PDCD11: variants seen among roughly 807,000 people sequenced by gnomAD.
PDCD11 encodes programmed cell death 11.
PDCD11 carries 97 observed loss-of-function variants against 198.9 expected under a neutral mutation model. The observed-to-expected ratio is 0.49, with a 90% CI of 0.41 to 0.58. The LOEUF is 0.58. PDCD11 is among the 20% of genes least tolerant of loss of function. The pLI is 0.00. For missense variants in PDCD11, 2,102 were observed against 2,312.7 expected (o/e 0.91, Z 1.87); for synonymous variants, 893 against 918.0 (o/e 0.97, Z 0.49).
At chr10:103,440,927 T>C in intron 30 of PDCD11, 77 bp downstream of exon 30, 2 of 980,738 alleles carry the variant, frequency 2.0e-6, no homozygotes, top group Non-Finnish European at 3.1e-6. Flanking sequence ...CTCATCCTCT[T>C]TTACTTCATT....
At chr10:103,401,995 G>A (rs2030105815) in intron 3 of PDCD11, among the ~76,000 whole-genome samples, 1 of 152,254 alleles carries the variant, frequency 6.6e-6, no homozygotes, top group East Asian at 1.9e-4. Context: ...GCCCGCCTCC[G>A]CCTCCCAAAG....
At chr10:103,436,943 C>T (rs1450617519) in intron 25 of PDCD11, among the ~76,000 whole-genome samples, 1 of 152,224 alleles carries the variant, frequency 6.6e-6, no homozygotes, top group Non-Finnish European at 1.5e-5. Context: ...GCTGTCCCTC[C>T]TGGAAGCGCT....
chr10:103,445,832 C>T lies in PDCD11; in HGVS notation c.*283C>T. The T allele has an allele frequency of 2.7e-6, 1 of 367,700 alleles. No individual in the cohort carries two copies. Among genetic ancestry groups the T allele is most frequent in the Middle Eastern group, 8.3e-4 (1 of 1,202 alleles). 22.8% of individuals were successfully genotyped at this position (367,700 alleles called of 1,614,324 possible). On this transcript the variant is annotated 3_prime_UTR_variant, in exon 36 of 36. Transcript: ENST00000369797. The stretch of plus-strand genomic sequence containing the variant: ...TGGACTCCCAGAAATGCTGAGGGTC[C>T]CTCTTCCAGGGGAGTTCCCTGGGGA...
chr10:103,443,402 G>C, intron 33 of PDCD11, 69 bp downstream of exon 33: 9 of 1,426,480 alleles, frequency 6.3e-6, no homozygotes, highest in Non-Finnish European at 8.6e-6. Context: ...GAGCCCCTGG[G>C]GTGCTGGGTC....
In PDCD11 at chr10:103,443,836, T is replaced by C. The variant is rs370789759; in HGVS notation, c.5125-79T>C. 367 of 1,438,170 alleles carry C rather than the reference T, an allele frequency of 2.6e-4. 1 individual carries two copies. In the African/African-American group the frequency reaches 4.4e-3, roughly 17 times the overall value. 89.1% of individuals were successfully genotyped at this position (1,438,170 alleles called of 1,614,324 possible). ...TGTCTGGGAGCCCAGGTCTAGCTTCTTGTGAGTGTTGCTGCTTGTCTGTCT... is the reference window on the plus strand; with the variant it reads ...TGTCTGGGAGCCCAGGTCTAGCTTCCTGTGAGTGTTGCTGCTTGTCTGTCT... On this transcript the variant is annotated intron_variant, in intron 33 of 35. Coordinates refer to ENST00000369797, the MANE Select transcript of PDCD11 (RefSeq NM_014976.2).
chr10:103,407,922 T>A (rs1011938599), intron 7 of PDCD11, among the ~76,000 whole-genome samples: 3 of 152,178 alleles, frequency 2.0e-5, no homozygotes, highest in South Asian at 2.1e-4. Context: ...TTTCACCATG[T>A]TGGCCAGGCT....
In PDCD11 at chr10:103,433,190, A is replaced by G. The variant is rs1025681265; in HGVS notation, c.3475-758A>G. On this transcript the variant is annotated intron_variant, in intron 22 of 35. Coordinates refer to ENST00000369797, the MANE Select transcript of PDCD11 (RefSeq NM_014976.2). ...CGATAAATGATTTGTTAAGTTGACT[A>G]GAAAATTGGAGTATGTATTTACGGC... 2.6e-5 allele frequency among the ~76,000 whole-genome samples: 4 copies of G among 152,176 alleles called. No individual in the cohort carries two copies. The South Asian group carries it at 8.3e-4, about 32-fold the overall frequency.
chr10:103,400,377 C>T lies in PDCD11; in HGVS notation c.103-20C>T, dbSNP rs2133668531. The T allele has an allele frequency of 6.3e-7, 1 of 1,599,052 alleles. No homozygotes were observed. The highest frequency in any genetic ancestry group is 8.5e-7 in the Non-Finnish European group (1 of 1,175,702). On this transcript the variant is annotated intron_variant, in intron 2 of 35. Coordinates refer to ENST00000369797, the MANE Select transcript of PDCD11 (RefSeq NM_014976.2). ...TCTTATTCTTTTGGGTCTTTGTGGG[C>T]TCCCCCTACCCGCTTCTAGATTTCT...
intron 3 of PDCD11, among the ~76,000 whole-genome samples, chr10:103,401,835 C>T (rs979385378): frequency 5.9e-5 from 9 of 151,986 alleles, no homozygotes; most frequent in Admixed American, 2.6e-4. Flanking sequence ...CTCCGCCTCC[C>T]GGGTTCTCGC....
intron 19 of PDCD11, among the ~76,000 whole-genome samples, chr10:103,424,757 A>G (rs1167338766): frequency 6.6e-6 from 1 of 152,218 alleles, no homozygotes; most frequent in Non-Finnish European, 1.5e-5. Flanking sequence ...AAGCAAAGCA[A>G]AAACCAAGCC....
At chr10:103,413,887 T>G in intron 9 of PDCD11, 79 bp from the exon 10 acceptor site, 1 of 1,356,154 alleles carries the variant, frequency 7.4e-7, no homozygotes, top group Non-Finnish European at 1.0e-6. Flanking sequence ...AAGTGTTGAG[T>G]CCTCTCTATG....
intron 33 of PDCD11, 37 bp downstream of exon 33, chr10:103,443,370 C>G (rs747772703): frequency 7.1e-6 from 11 of 1,557,676 alleles, no homozygotes; most frequent in Non-Finnish European, 8.8e-6. Context: ...CCTGGGAGTT[C>G]CAGGGCCACA....
Position 103,438,887 on chromosome 10 carries a change from G to A in PDCD11, c.4025+79G>A, listed in dbSNP as rs551495213. The A allele has an allele frequency of 7.4e-6, 11 of 1,477,644 alleles. No homozygotes were observed. The Admixed American group carries it at 9.5e-5, about 13-fold the overall frequency. 91.5% of individuals were successfully genotyped at this position (1,477,644 alleles called of 1,614,324 possible). A position where few individuals can be genotyped will look rare whatever the true frequency, so the allele number is the denominator to read the frequency against. On this transcript the variant is annotated intron_variant, in intron 27 of 35. Transcript: ENST00000369797. ...TGCTCTGGGGTCCACTGTGTTCCTCGGTCAACTTCTTTGATGGGAATATGA... is the reference window on the plus strand; with the variant it reads ...TGCTCTGGGGTCCACTGTGTTCCTCAGTCAACTTCTTTGATGGGAATATGA...
chr10:103,419,444 C>T (rs1254466356), intron 15 of PDCD11, 94 bp from the exon 16 acceptor site: 1 of 1,346,764 alleles, frequency 7.4e-7, no homozygotes, highest in Non-Finnish European at 1.0e-6. Flanking sequence ...AGAGATCAGC[C>T]TGCAGTTCTG....
chr10:103,436,749 C>T (rs1592139182), intron 25 of PDCD11, among the ~76,000 whole-genome samples: 1 of 152,326 alleles, frequency 6.6e-6, no homozygotes, highest in Admixed American at 6.5e-5. Flanking sequence ...TAAAGGTAGA[C>T]GGTCCCTTGA....
chr10:103,439,701 G>A (rs760567042), intron 27 of PDCD11, 45 bp from the exon 28 acceptor site: 5 of 1,613,220 alleles, frequency 3.1e-6, no homozygotes, highest in East Asian at 2.2e-5. Flanking sequence ...TTGGAATTCT[G>A]TTGTTGCATT....
At chr10:103,444,470 AG>A (rs756003865) in intron 34 of PDCD11, 46 bp from the exon 35 acceptor site, 1 of 1,570,956 alleles carries the variant, frequency 6.4e-7, no homozygotes, top group Non-Finnish European at 8.8e-7. Context: ...TGTTGTGGTG[AG>A]GGGGCTGTCT....
rs756975393 is a variant in PDCD11 at position 103,413,210 on chromosome 10, G to T, written c.1073G>T (p.Arg358Leu). ...CTACAGCCTGGACGCCCACTCACCC[G>T]ACTCTCTTGCCAGAACCTTGGAGCA... Reference protein sequence around the residue: ...IFLQPGRPLTRLSCQNLGAVL... With the variant: ...IFLQPGRPLTLLSCQNLGAVL... Residue 358 changes from arginine (R) to leucine (L), a missense_variant, in exon 9 of 36, where the codon CGA (arginine) becomes CTA (leucine). Arg to Leu is a moderately radical substitution (Grantham distance 102). Coordinates refer to ENST00000369797, the MANE Select transcript of PDCD11 (RefSeq NM_014976.2). The T allele has an allele frequency of 1.2e-6, 2 of 1,614,072 alleles. No homozygotes were observed. Among genetic ancestry groups the T allele is most frequent in the Non-Finnish European group, 1.7e-6 (2 of 1,180,000 alleles).
At chr10:103,397,663 A>G (rs1358376609) in intron 1 of PDCD11, among the ~76,000 whole-genome samples, 3 of 152,200 alleles carry the variant, frequency 2.0e-5, no homozygotes, top group African/African-American at 7.2e-5. Flanking sequence ...CGAACTCCTG[A>G]CCTCAGATGA....
Sources: allele counts gnomAD v4.1 joint callset (sites outside exome capture counted in the v4.1 genomes callset), GRCh38; gene constraint gnomAD v4.1.1; transcripts MANE v1.5; gene names NCBI Gene and HGNC (gene_info 2026-07-23, HGNC 2026-07-21).